MBNL2: variants seen among roughly 807,000 people sequenced by gnomAD.
The protein encoded by MBNL2 is muscleblind-like protein 2.
In MBNL2, 17 loss-of-function variants were observed where a neutral mutation model predicts 41.9. The ratio of observed to expected loss-of-function variants is 0.41; its 90% CI spans 0.28 to 0.61. The LOEUF is 0.61. Ranked by LOEUF, MBNL2 falls within the 20% of genes least tolerant of loss-of-function variation. The pLI is 0.35. For synonymous variants in MBNL2, 195 were observed against 182.9 expected (o/e 1.07, Z -0.53); for missense variants, 336 against 505.6 (o/e 0.66, Z 3.22).
At chr13:97,218,186 G>A (rs192823856), upstream of MBNL2, among the ~76,000 whole-genome samples, 37 of 152,090 alleles carry the variant, frequency 2.4e-4, no homozygotes, top group Admixed American at 1.7e-3. Flanking sequence ...TGAGGAGGTC[G>A]GATCATGAGG....
intron 2 of MBNL2, among the ~76,000 whole-genome samples, chr13:97,299,241 C>T (rs140550499): frequency 6.6e-6 from 1 of 151,888 alleles, no homozygotes; most frequent in African/African-American, 2.4e-5. Context: ...TTCCTATTAG[C>T]TGAATGAAAT....
At chr13:97,379,208 G>A (rs1303252520) in intron 8 of MBNL2, among the ~76,000 whole-genome samples, 2 of 152,130 alleles carry the variant, frequency 1.3e-5, no homozygotes, top group Non-Finnish European at 2.9e-5. Context: ...TATCAGAAAT[G>A]GTGTGAAAAT....
At chr13:97,286,644 G>T (rs2054507507) in intron 2 of MBNL2, among the ~76,000 whole-genome samples, 1 of 152,190 alleles carries the variant, frequency 6.6e-6, no homozygotes, top group Non-Finnish European at 1.5e-5. Context: ...TGCATTTCTG[G>T]CCCCACAGAT....
chr13:97,195,912 T>C, the MBNL2 span, among the ~76,000 whole-genome samples: 1 of 152,124 alleles, frequency 6.6e-6, no homozygotes, highest in Non-Finnish European at 1.5e-5. Context: ...CTGGACAACA[T>C]CAGTAAAAGG....
chr13:97,339,050 AGTGTGTATAT>A (rs1294720477), intron 3 of MBNL2, among the ~76,000 whole-genome samples: 6 of 20,588 alleles, frequency 2.9e-4, no homozygotes, highest in East Asian at 3.0e-3. Context: ...TATATGTGCA[AGTGTGTATAT>A]GTGTGCATGC....
intron 3 of MBNL2, among the ~76,000 whole-genome samples, chr13:97,341,172 A>G (rs1412533485): frequency 6.6e-6 from 1 of 152,132 alleles, no homozygotes. Flanking sequence ...ATGCTCCCCA[A>G]ATTTGGCCAT....
chr13:97,148,255 T>G, the MBNL2 span, among the ~76,000 whole-genome samples: 1 of 152,178 alleles, frequency 6.6e-6, no homozygotes. Flanking sequence ...AAGGTAGCTC[T>G]GCATTTCTTA....
the MBNL2 span, among the ~76,000 whole-genome samples, chr13:97,165,443 A>G: frequency 6.6e-6 from 1 of 152,168 alleles, no homozygotes; most frequent in Non-Finnish European, 1.5e-5. Context: ...TCATCCTGAC[A>G]TCATTTTTAA....
At chr13:97,324,311 A>G (rs748462879) in intron 2 of MBNL2, among the ~76,000 whole-genome samples, 1 of 152,204 alleles carries the variant, frequency 6.6e-6, no homozygotes, top group Non-Finnish European at 1.5e-5. Context: ...TGTTGAAGGA[A>G]GGAAGGAAGA....
At chr13:97,237,487 G>A (rs905330805) in intron 1 of MBNL2, among the ~76,000 whole-genome samples, 4 of 152,226 alleles carry the variant, frequency 2.6e-5, no homozygotes, top group African/African-American at 9.6e-5. Flanking sequence ...CAGGTAAGAT[G>A]TGTAAATAAA....
chr13:97,179,226 T>G, the MBNL2 span: 1 of 152,198 alleles, frequency 6.6e-6, no homozygotes, highest in Non-Finnish European at 1.5e-5. Flanking sequence ...ACTGGCCACT[T>G]AGTTATTCAC....
intron 2 of MBNL2, among the ~76,000 whole-genome samples, chr13:97,296,849 G>A (rs1008074177): frequency 2.0e-5 from 3 of 152,176 alleles, no homozygotes; most frequent in African/African-American, 7.2e-5. Context: ...GACAAGGTGT[G>A]ATCAAGCTGA....
chr13:97,387,608 G>A (rs1461325888), intron 8 of MBNL2, among the ~76,000 whole-genome samples: 1 of 152,188 alleles, frequency 6.6e-6, no homozygotes, highest in African/African-American at 2.4e-5. Context: ...GAACCTCTGT[G>A]TCCCGTCGCC....
chr13:97,373,387 A>T (rs1204508146), intron 8 of MBNL2, among the ~76,000 whole-genome samples: 1 of 151,986 alleles, frequency 6.6e-6, no homozygotes, highest in Non-Finnish European at 1.5e-5. Context: ...AACATTTTGT[A>T]GAGAAGGCAG....
Position 97,346,350 on chromosome 13 carries a change from T to G in MBNL2, c.541-454T>G, listed in dbSNP as rs1028487351. On this transcript the variant is annotated intron_variant, in intron 4 of 8. Coordinates refer to ENST00000679496, the MANE Select transcript of MBNL2 (RefSeq NM_001382683.1). The surrounding 1 kb of genome is among the most constrained non-coding windows in gnomAD (Gnocchi z 4.2). ...AGATTGATAGATGATAGATAATAGA[T>G]GATGGATGAATGAACAGGTGGATAG... 2.6e-5 allele frequency among the ~76,000 whole-genome samples: 4 copies of G among 151,870 alleles called. No homozygotes were observed. Among genetic ancestry groups the G allele is most frequent in the African/African-American group, 7.3e-5 (3 of 41,302 alleles).
intron 1 of MBNL2, among the ~76,000 whole-genome samples, chr13:97,253,954 ATC>A (rs1383751791): frequency 2.6e-5 from 4 of 152,000 alleles, no homozygotes; most frequent in Non-Finnish European, 5.9e-5. Flanking sequence ...CAGTGGCATG[ATC>A]TTCGCTCACT....
At chr13:97,197,372 T>A in the MBNL2 span, among the ~76,000 whole-genome samples, 1 of 152,236 alleles carries the variant, frequency 6.6e-6, no homozygotes, top group Non-Finnish European at 1.5e-5. Context: ...ACATCTTTGG[T>A]TAAAAATGAT....
At chr13:97,299,894 A>G (rs1229350686) in intron 2 of MBNL2, among the ~76,000 whole-genome samples, 2 of 152,160 alleles carry the variant, frequency 1.3e-5, no homozygotes, top group Non-Finnish European at 2.9e-5. Flanking sequence ...CAACAATCAT[A>G]TGGCTTTTAA....
chr13:97,155,503 G>A, the MBNL2 span, among the ~76,000 whole-genome samples: 24 of 148,330 alleles, frequency 1.6e-4, no homozygotes, highest in South Asian at 3.2e-3. Context: ...CCACTAACTC[G>A]TCATCTAGCA....
Sources: gnomAD v4.1 joint callset for allele counts (sites outside exome capture counted in the v4.1 genomes callset) on GRCh38, gnomAD v4.1.1 for gene constraint, Gnocchi (gnomAD v3.1) non-coding constraint, MANE v1.5 for transcripts, NCBI Gene and HGNC (gene_info 2026-07-23, HGNC 2026-07-21) for gene names.